Variants in TPTE2 observed in about 807,000 individuals in gnomAD.
TPTE2 encodes the protein transmembrane phosphoinositide 3-phosphatase and tensin homolog 2, also known as phosphatidylinositol 3,4,5-trisphosphate 3-phosphatase TPTE2.
TPTE2 carries 53 observed loss-of-function variants against 78.6 expected under a neutral mutation model. The ratio of observed to expected loss-of-function variants is 0.67; its 90% confidence interval spans 0.54 to 0.85. The LOEUF is 0.85. Ranked by LOEUF, TPTE2 falls within the 40% of genes least tolerant of loss-of-function variation. The pLI is 0.00. For synonymous variants in TPTE2, 175 were observed against 206.2 expected, an observed-to-expected ratio of 0.85 and a Z score of 1.30; for missense variants, 461 against 623.0, an observed-to-expected ratio of 0.74 and a Z score of 2.77.
chr13:19,516,834 A>G (rs1869825513), intron 1 of TPTE2, among the ~76,000 whole-genome samples: 1 of 152,244 alleles, frequency 6.6e-6, no homozygotes, highest in Non-Finnish European at 1.5e-5. Flanking sequence ...ATTAACAGGC[A>G]TAGAATGAGG....
At chr13:19,545,913 C>T in the TPTE2 span, among the ~76,000 whole-genome samples, 17 of 152,156 alleles carry the variant, frequency 1.1e-4, no homozygotes, top group Non-Finnish European at 1.9e-4. Context: ...GATGGTGGCT[C>T]ATGTCTGTTA....
chr13:19,532,671 T>C (rs1870958687), intron 1 of TPTE2, among the ~76,000 whole-genome samples: 1 of 152,222 alleles, frequency 6.6e-6, no homozygotes, highest in South Asian at 2.1e-4. Context: ...TCACATTCTG[T>C]AGCAATGAAT....
At chr13:19,454,092 C>T (rs746899820) in intron 10 of TPTE2, among the ~76,000 whole-genome samples, 1 of 152,138 alleles carries the variant, frequency 6.6e-6, no homozygotes, top group African/African-American at 2.4e-5. Flanking sequence ...ATGCTTCCAC[C>T]GTAGTGCTTG....
chr13:19,551,832 T>C, the TPTE2 span, among the ~76,000 whole-genome samples: 3 of 152,160 alleles, frequency 2.0e-5, no homozygotes, highest in African/African-American at 7.2e-5. Flanking sequence ...GACTACATTT[T>C]CCTAAGACTT....
intron 10 of TPTE2, among the ~76,000 whole-genome samples, chr13:19,459,526 G>A (rs1299980556): frequency 6.6e-6 from 1 of 152,210 alleles, no homozygotes; most frequent in Non-Finnish European, 1.5e-5. Context: ...CAGGTGTGCT[G>A]CATTGTGGGG....
intron 4 of TPTE2, among the ~76,000 whole-genome samples, chr13:19,476,077 G>T (rs887308871): frequency 1.3e-5 from 2 of 152,108 alleles, no homozygotes; most frequent in Non-Finnish European, 2.9e-5. Context: ...TGATGCTCTT[G>T]TCATCTCCTC....
At chr13:19,505,979 TGAG>T (rs1434657081), upstream of TPTE2, 1 of 151,486 alleles carries the variant, frequency 6.6e-6, no homozygotes, top group East Asian at 1.9e-4. Context: ...GATCCTACAG[TGAG>T]AAGATTTAGA....
chr13:19,550,070 A>G, the TPTE2 span, among the ~76,000 whole-genome samples: 4,208 of 138,428 alleles, frequency 0.03, 151 homozygotes, highest in African/African-American at 0.084. Flanking sequence ...TACCTGGGTG[A>G]CAAAATTATC....
chr13:19,515,696 T>C (rs933889102), intron 1 of TPTE2, among the ~76,000 whole-genome samples: 3 of 152,240 alleles, frequency 2.0e-5, no homozygotes, highest in African/African-American at 7.2e-5. Flanking sequence ...AATAATTGGA[T>C]TGTTTATGAA....
rs375988556 is a variant in TPTE2, at chr13:19,465,325, G to A, written c.613-7C>T. The A allele has an allele frequency of 1.3e-4, 206 of 1,613,744 alleles. 1 individual carries two copies. The African/African-American group carries it at 2.6e-3, about 21-fold the overall frequency. On this transcript the variant is annotated splice_region_variant and splice_polypyrimidine_tract_variant and intron_variant, in intron 8 of 19. Coordinates refer to ENST00000400230, the Ensembl canonical transcript of TPTE2. ...GCCTTTTGTTTTCTGAAACCTGAGA[G>A]TTTAAAATCATCATTAGTTTGTGAA... is the stretch of plus-strand genomic sequence containing the variant.
the TPTE2 span, chr13:19,560,902 GT>G: frequency 6.3e-7 from 1 of 1,584,386 alleles, no homozygotes; most frequent in Admixed American, 1.8e-5. Context: ...TCTCACACTC[GT>G]TGGAGGCCAG....
chr13:19,448,694 T>G (rs1877990470), intron 13 of TPTE2, among the ~76,000 whole-genome samples: 1 of 152,118 alleles, frequency 6.6e-6, no homozygotes, highest in Non-Finnish European at 1.5e-5. Flanking sequence ...AAAGGGACCC[T>G]CCCTTGTACA....
At chr13:19,543,396 G>C in the TPTE2 span, among the ~76,000 whole-genome samples, 1 of 27,670 alleles carries the variant, frequency 3.6e-5, no homozygotes, top group African/African-American at 4.8e-5. Flanking sequence ...TTTCACTCTT[G>C]TCTTCTAGGC....
the TPTE2 span, among the ~76,000 whole-genome samples, chr13:19,558,269 T>C: frequency 2.0e-5 from 3 of 152,230 alleles, no homozygotes; most frequent in Non-Finnish European, 4.4e-5. Flanking sequence ...TTGATTCATC[T>C]CCCTACCCTA....
chr13:19,425,764 C>T (rs1215151134), intron 18 of TPTE2: 2 of 516,418 alleles, frequency 3.9e-6, no homozygotes, highest in African/African-American at 3.9e-5. Flanking sequence ...TTGCTCCCAC[C>T]CATCAGTCGA....
At chr13:19,437,771 A>G (rs1251416075) in intron 14 of TPTE2, among the ~76,000 whole-genome samples, 1 of 152,082 alleles carries the variant, frequency 6.6e-6, no homozygotes, top group Non-Finnish European at 1.5e-5. Flanking sequence ...TGCATACATC[A>G]TAGATTTTTT....
intron 14 of TPTE2, among the ~76,000 whole-genome samples, chr13:19,436,935 A>T (rs929414002): frequency 3.6e-4 from 55 of 151,986 alleles, no homozygotes; most frequent in African/African-American, 1.3e-3. Context: ...CAGGCCTGGA[A>T]TACAGGTCCC....
chr13:19,532,899 G>C (rs118016171), intron 1 of TPTE2, among the ~76,000 whole-genome samples: 3,021 of 152,246 alleles, frequency 0.02, 40 homozygotes, highest in Middle Eastern at 0.048. Flanking sequence ...CAATAAGAAG[G>C]GCAGAGTGAC....
At chr13:19,502,635 CTG>C (rs1868679947) in intron 1 of TPTE2, among the ~76,000 whole-genome samples, 1 of 118,322 alleles carries the variant, frequency 8.5e-6, no homozygotes, top group African/African-American at 3.3e-5. Flanking sequence ...ATATCACACT[CTG>C]GGGACTGTTG....
Sources: allele counts gnomAD v4.1 joint callset (sites outside exome capture counted in the v4.1 genomes callset), GRCh38; gene constraint gnomAD v4.1.1; transcripts MANE v1.5; gene names NCBI Gene and HGNC (gene_info 2026-07-23, HGNC 2026-07-21).